Variants in SORT1 observed in about 807,000 individuals in gnomAD.
SORT1 encodes sortilin.
Under a neutral mutation model 101.7 loss-of-function variants are expected in SORT1, and 39 were observed. That is an observed-to-expected ratio of 0.38 (90% confidence interval 0.30 to 0.50). The LOEUF (loss-of-function observed/expected upper bound fraction) is 0.50. Ranked by LOEUF, SORT1 falls within the 20% of genes least tolerant of loss-of-function variation. The pLI is 0.90. For missense variants in SORT1, 878 were observed against 1,040.4 expected (o/e 0.84, Z 2.15); for synonymous variants, 396 against 393.7 (o/e 1.01, Z -0.07).
chr1:109,358,679 C>A (rs1350725603), intron 3 of SORT1, among the ~76,000 whole-genome samples: 1 of 151,964 alleles, frequency 6.6e-6, no homozygotes, highest in Non-Finnish European at 1.5e-5. Flanking sequence ...GATGGTGAAA[C>A]CCTGTCTCTA....
intron 15 of SORT1, among the ~76,000 whole-genome samples, chr1:109,319,330 G>A (rs1163338796): frequency 1.3e-5 from 2 of 152,114 alleles, no homozygotes; most frequent in African/African-American, 2.4e-5. Context: ...AGCATCCTTG[G>A]TTCCCCTCCT....
At chr1:109,351,810 A>T (rs1003728080) in intron 5 of SORT1, among the ~76,000 whole-genome samples, 5 of 152,212 alleles carry the variant, frequency 3.3e-5, no homozygotes, top group African/African-American at 1.2e-4. Context: ...GGTCCAGACT[A>T]GAGGCAAGGA....
At chr1:109,366,094 G>T (rs1297329488) in intron 3 of SORT1, among the ~76,000 whole-genome samples, 3 of 152,192 alleles carry the variant, frequency 2.0e-5, no homozygotes, top group Admixed American at 1.3e-4. Context: ...AGACATAAAT[G>T]ATTGAGAAGA....
chr1:109,319,866 CA>C (rs574333925), intron 15 of SORT1, among the ~76,000 whole-genome samples: 202 of 107,216 alleles, frequency 1.9e-3, no homozygotes, highest in Middle Eastern at 5.2e-3. Context: ...GACTCCGTCT[CA>C]AAAAAAAAAA....
At chr1:109,380,226 G>A (rs543173232) in intron 1 of SORT1, among the ~76,000 whole-genome samples, 3 of 152,260 alleles carry the variant, frequency 2.0e-5, no homozygotes, top group Admixed American at 1.3e-4. Context: ...CTGGGAGTTC[G>A]AGGCTGTAGT....
At chr1:109,350,743 C>T (rs898991988) in intron 6 of SORT1, among the ~76,000 whole-genome samples, 186 bp downstream of exon 6, 1 of 152,214 alleles carries the variant, frequency 6.6e-6, no homozygotes, top group Admixed American at 6.5e-5. Flanking sequence ...ACTAAGTCTT[C>T]TTTTCCAGCA....
chr1:109,347,440 A>C, intron 7 of SORT1, 43 bp downstream of exon 7: 1 of 1,396,832 alleles, frequency 7.2e-7, no homozygotes, highest in Non-Finnish European at 1.0e-6. Context: ...TCTACCATGA[A>C]TGGACAACAG....
At chr1:109,325,230 ACT>A in intron 13 of SORT1, 141 bp from the exon 14 acceptor site, 9 of 397,604 alleles carry the variant, frequency 2.3e-5, no homozygotes, top group East Asian at 3.8e-5. Context: ...AATTATTTTA[ACT>A]TTTTTTTTTT....
intron 11 of SORT1, among the ~76,000 whole-genome samples, chr1:109,331,719 C>A (rs1648466246): frequency 6.6e-6 from 1 of 151,892 alleles, no homozygotes; most frequent in African/African-American, 2.4e-5. Flanking sequence ...AAAAAGCATC[C>A]AAACCAGAAA....
At chr1:109,378,243 A>G (rs1161933181) in intron 1 of SORT1, among the ~76,000 whole-genome samples, 2 of 152,136 alleles carry the variant, frequency 1.3e-5, no homozygotes, top group Admixed American at 6.5e-5. Context: ...TCTATATTTA[A>G]AAGAATAATA....
chr1:109,330,612 G>A (rs891917472), intron 11 of SORT1, among the ~76,000 whole-genome samples: 7 of 151,712 alleles, frequency 4.6e-5, no homozygotes, highest in Admixed American at 2.0e-4. Context: ...GCAGAAGGGA[G>A]GAAATAATAA....
At chr1:109,368,460 G>T (rs1651246209) in intron 2 of SORT1, 2 of 152,108 alleles carry the variant, frequency 1.3e-5, no homozygotes, top group Admixed American at 1.3e-4. Context: ...TTTACAATTT[G>T]CTTTTCAGCA....
intron 11 of SORT1, among the ~76,000 whole-genome samples, chr1:109,329,276 C>T (rs116208353): frequency 0.025 from 3,779 of 152,114 alleles, 74 homozygotes; most frequent in Admixed American, 0.04. Flanking sequence ...ATTTTTGAGA[C>T]GGAGTGTCGC....
At chr1:109,370,138 T>C (rs1490579397) in intron 1 of SORT1, among the ~76,000 whole-genome samples, 1 of 152,112 alleles carries the variant, frequency 6.6e-6, no homozygotes, top group Non-Finnish European at 1.5e-5. Flanking sequence ...ATAGTAATAA[T>C]GATAATAATA....
In SORT1 at chr1:109,327,600, C is replaced by T; in HGVS notation, c.1373G>A (p.Cys458Tyr). 1.9e-6 allele frequency: 3 copies of T among 1,576,062 alleles called. No homozygotes were observed. Among genetic ancestry groups the T allele is most frequent in the Non-Finnish European group, 2.6e-6 (3 of 1,161,166 alleles). The change falls in exon 12 of 20, where the codon TGC becomes TAC. Residue 458 changes from cysteine (C) to tyrosine (Y), a missense_variant and splice_region_variant. Cys to Tyr is a radical substitution (Grantham distance 194). Transcript: ENST00000256637. ...GTAGGAAGCATGAATATGAAGGCTG[C>T]ACTGTGAAAAGAAACAAAAGCGTAG... ...CDATAKNKNE[C>Y]SLHIHASYSI...
At chr1:109,384,106 T>C (rs1652417384) in intron 1 of SORT1, among the ~76,000 whole-genome samples, 2 of 152,190 alleles carry the variant, frequency 1.3e-5, no homozygotes, top group African/African-American at 2.4e-5. Context: ...TGGGTTTTTG[T>C]TGTTTTCGAG....
intron 1 of SORT1, 107 bp downstream of exon 1, chr1:109,397,480 G>C: frequency 1.3e-6 from 1 of 752,650 alleles, no homozygotes; most frequent in African/African-American, 1.9e-5. Context: ...GGACGCGGGC[G>C]CGGCAGGGCT....
intron 3 of SORT1, among the ~76,000 whole-genome samples, chr1:109,357,705 G>T (rs930718699): frequency 3.9e-5 from 6 of 152,144 alleles, no homozygotes; most frequent in Non-Finnish European, 8.8e-5. Context: ...AGAGGTCCCT[G>T]ATAATATGCT....
chr1:109,397,744 C>A lies in SORT1; in HGVS notation c.149G>T (p.Trp50Leu). 1.7e-6 allele frequency: 2 copies of A among 1,196,972 alleles called. No individual in the cohort carries two copies. The highest frequency in any genetic ancestry group is 2.7e-5 in the South Asian group (1 of 37,032). 74.1% of individuals were successfully genotyped at this position (1,196,972 alleles called of 1,614,324 possible). The change falls in exon 1 of 20, where the codon TGG (tryptophan) becomes TTG (leucine). Residue 50 changes from tryptophan (W) to leucine (L), a missense_variant. Coordinates refer to ENST00000256637, the MANE Select transcript of SORT1 (RefSeq NM_002959.7). ...CCAGCTCACCCCGATGGGGCCAGAC[C>A]AGCGCGGCAGCGGCGCAGCGGGCGG... ...PPPPAAPLPR[W>L]SGPIGVSWGL...
Sources: allele counts gnomAD v4.1 joint callset (sites outside exome capture counted in the v4.1 genomes callset), GRCh38; gene constraint gnomAD v4.1.1; transcripts MANE v1.5; gene names NCBI Gene and HGNC (gene_info 2026-07-23, HGNC 2026-07-21).